Variants in BICRAL observed in about 807,000 individuals in gnomAD.
The protein encoded by BICRAL is BRD4-interacting chromatin-remodeling complex-associated protein-like.
BICRAL carries 8 observed loss-of-function variants against 91.8 expected under a neutral mutation model. The observed-to-expected ratio is 0.09, with a 90% CI of 0.05 to 0.16. The LOEUF (loss-of-function observed/expected upper bound fraction) is 0.16, where lower values mean the gene tolerates loss of function less well. BICRAL is among the 10% of genes least tolerant of loss of function. The pLI, the probability that BICRAL is intolerant of heterozygous loss-of-function variation, is 1.00. For synonymous variants in BICRAL, 445 were observed against 491.1 expected (o/e 0.91, Z 1.24); for missense variants, 1,038 against 1,310.9 (o/e 0.79, Z 3.21).
chr6:42,817,061 C>A (rs186639809), intron 2 of BICRAL, among the ~76,000 whole-genome samples: 2 of 151,862 alleles, frequency 1.3e-5, no homozygotes, highest in East Asian at 3.9e-4. Context: ...CCCCAGTCAC[C>A]CTGTTTTCTT....
At chr6:42,828,383 A>G (rs1290938755) in intron 5 of BICRAL, 110 bp from the exon 6 acceptor site, 1 of 913,738 alleles carries the variant, frequency 1.1e-6, no homozygotes, top group East Asian at 2.7e-5. Context: ...CCTGGGTGAC[A>G]GAGCGAGACT....
chr6:42,848,490 A>G (rs759200868), intron 6 of BICRAL, among the ~76,000 whole-genome samples: 23 of 152,228 alleles, frequency 1.5e-4, no homozygotes, highest in African/African-American at 5.1e-4. Context: ...TTTTCTTTCA[A>G]TCTTTTATAT....
intron 1 of BICRAL, among the ~76,000 whole-genome samples, chr6:42,772,374 C>T (rs1037961732): frequency 2.0e-5 from 3 of 152,084 alleles, no homozygotes; most frequent in Non-Finnish European, 4.4e-5. Flanking sequence ...GGCATTGGAG[C>T]TGGGCCTTGA....
Position 42,808,934 on chromosome 6 carries a change from C to A in BICRAL, c.-101-1372C>A, listed in dbSNP as rs543353564. On this transcript the variant is annotated intron_variant, in intron 1 of 12. Coordinates refer to ENST00000314073, the MANE Select transcript of BICRAL (RefSeq NM_001393499.1). ...AGTGTCCTTGCCCTGTGTCTCCAGC[C>A]TCTGTAAAGCCTTGCCAGAAATTCT... 9.9e-5 allele frequency among the ~76,000 whole-genome samples: 15 copies of A among 152,272 alleles called. No homozygotes were observed. The South Asian group carries it at 2.9e-3, about 29-fold the overall frequency.
chr6:42,858,823 T>A (rs1186359248), intron 10 of BICRAL, among the ~76,000 whole-genome samples: 5 of 151,710 alleles, frequency 3.3e-5, no homozygotes, highest in African/African-American at 9.7e-5. Context: ...ATCTAAAAAA[T>A]AAATAAATAA....
At chr6:42,780,918 G>C (rs1056064646), upstream of BICRAL, among the ~76,000 whole-genome samples, 1 of 152,004 alleles carries the variant, frequency 6.6e-6, no homozygotes. Context: ...TGTATTTTTA[G>C]TAGAGACAGG....
intron 1 of BICRAL, among the ~76,000 whole-genome samples, chr6:42,747,517 C>G (rs1762298045): frequency 6.6e-6 from 1 of 152,222 alleles, no homozygotes; most frequent in Admixed American, 6.5e-5. Context: ...TCACGCCCCA[C>G]TCTCTTCCTT....
intron 1 of BICRAL, among the ~76,000 whole-genome samples, chr6:42,788,278 G>T (rs375366559): frequency 2.8e-5 from 4 of 141,968 alleles, no homozygotes; most frequent in African/African-American, 1.1e-4. Context: ...AGGCTGGAGT[G>T]CAGTGGCGCA....
At position 42,829,219 on chromosome 6, in the gene BICRAL, A is replaced by G; in HGVS notation, c.886A>G (p.Ile296Val). The change falls in exon 6 of 13, where the codon ATC becomes GTC. Residue 296 changes from isoleucine (I) to valine (V), a missense_variant. Ile to Val is a conservative substitution (Grantham distance 29, BLOSUM62 3). Transcript: ENST00000314073. ...TCAAACATCTTTACCTGTGCATAACATCATCATACAAAGGGGTCTTGCACC... is the reference window on the plus strand; with the variant it reads ...TCAAACATCTTTACCTGTGCATAACGTCATCATACAAAGGGGTCTTGCACC... ...NFQTSLPVHN[I>V]IIQRGLAPNS... 2 of 1,614,144 alleles carry G rather than the reference A, an allele frequency of 1.2e-6. No homozygotes were observed. Among genetic ancestry groups the G allele is most frequent in the South Asian group, 1.1e-5 (1 of 91,058 alleles).
At chr6:42,846,553 A>G (rs3846894) in intron 6 of BICRAL, among the ~76,000 whole-genome samples, 1 of 151,796 alleles carries the variant, frequency 6.6e-6, no homozygotes, top group African/African-American at 2.4e-5. Flanking sequence ...CCCTTACCCC[A>G]GCTTCAAATT....
Position 42,864,892 on chromosome 6 carries a change from A to C in BICRAL, c.2686A>C (p.Lys896Gln). 1 of 1,614,196 alleles carries C rather than the reference A, an allele frequency of 6.2e-7. No homozygotes were observed. Among genetic ancestry groups the C allele is most frequent in the South Asian group, 1.1e-5 (1 of 91,086 alleles). ...CTCTGCAGAAGGAAACATTTCTAAAAAAACAGAATGCCTTGGCAGAGCACT... is the reference window on the plus strand; with the variant it reads ...CTCTGCAGAAGGAAACATTTCTAAACAAACAGAATGCCTTGGCAGAGCACT... ...VVSAEGNISK[K>Q]TECLGRALKF... The change falls in exon 13 of 13, where the codon AAA (lysine) becomes CAA (glutamine). Residue 896 changes from lysine to glutamine, a missense_variant. Transcript: ENST00000314073.
intron 1 of BICRAL, among the ~76,000 whole-genome samples, chr6:42,782,562 CT>C (rs1223132161): frequency 1.4e-5 from 2 of 139,390 alleles, no homozygotes; most frequent in Non-Finnish European, 3.1e-5. Flanking sequence ...TTTCTTTTTC[CT>C]TTTTTTTCTT....
In BICRAL at chr6:42,860,372, C is replaced by T; in HGVS notation, c.2349+16C>T. Reference sequence around the variant, plus strand: ...AGATGCCATGGTAAAAGTCATGCTACTGATATTTGTTCTTTAAAACTTTAC... The same window carrying T: ...AGATGCCATGGTAAAAGTCATGCTATTGATATTTGTTCTTTAAAACTTTAC... On this transcript the variant is annotated intron_variant, in intron 11 of 12. Coordinates refer to ENST00000314073, the MANE Select transcript of BICRAL (RefSeq NM_001393499.1). 6.7e-7 allele frequency: 1 copy of T among 1,482,514 alleles called. No homozygotes were observed. Among genetic ancestry groups the T allele is most frequent in the Non-Finnish European group, 9.4e-7 (1 of 1,062,300 alleles). 91.8% of individuals were successfully genotyped at this position (1,482,514 alleles called of 1,614,324 possible). A position where few individuals can be genotyped will look rare whatever the true frequency, so the allele number is the denominator to read the frequency against.
upstream of BICRAL, among the ~76,000 whole-genome samples, chr6:42,778,483 A>T (rs1762833456): frequency 6.6e-6 from 1 of 152,250 alleles, no homozygotes; most frequent in Non-Finnish European, 1.5e-5. Context: ...ATAAGTATCT[A>T]GCATAGTGCC....
rs754798789 is a variant in BICRAL, at chr6:42,828,619, G to A, written c.286G>A (p.Asp96Asn). The change falls in exon 6 of 13, where the codon GAT (aspartate) becomes AAT (asparagine). Residue 96 changes from aspartate (D) to asparagine (N), a missense_variant. Physicochemically the swap from Asp to Asn is conservative, Grantham distance 23 (BLOSUM62 1). This residue lies in a region of BICRAL where 115 missense variants were observed against 121.5 expected (regional missense o/e 0.95). Transcript: ENST00000314073. ...TGAACTCGAGTCTTCTCCTCTTCCT[G>A]ATCTCACTGAGGACCAACCTTTCGA... is the stretch of plus-strand genomic sequence containing the variant. The part of the protein sequence containing the change: ...EDELESSPLP[D>N]LTEDQPFDIL... 2 of 1,613,926 alleles carry A rather than the reference G, an allele frequency of 1.2e-6. No homozygotes were observed. Among genetic ancestry groups the A allele is most frequent in the Non-Finnish European group, 1.7e-6 (2 of 1,180,020 alleles).
chr6:42,806,030 G>A (rs2113907373), intron 1 of BICRAL, among the ~76,000 whole-genome samples: 1 of 151,902 alleles, frequency 6.6e-6, no homozygotes, highest in South Asian at 2.1e-4. Context: ...AAGAAGTAGA[G>A]CAATTATTTG....
At chr6:42,764,243 G>GA (rs528842794) in intron 1 of BICRAL, among the ~76,000 whole-genome samples, 7,917 of 125,334 alleles carry the variant, frequency 0.063, 299 homozygotes, top group African/African-American at 0.12. Flanking sequence ...CTTTGTTTCC[G>GA]AAAAAAAAAA....
chr6:42,814,517 ATATTT>A (rs1562474978), intron 2 of BICRAL, among the ~76,000 whole-genome samples: 5 of 90,674 alleles, frequency 5.5e-5, no homozygotes, highest in Admixed American at 3.5e-4. Context: ...ATATATATAT[ATATTT>A]TTTTTTTTTT....
At chr6:42,861,085 C>T (rs1438243714) in intron 11 of BICRAL, among the ~76,000 whole-genome samples, 1 of 152,112 alleles carries the variant, frequency 6.6e-6, no homozygotes, top group Non-Finnish European at 1.5e-5. Flanking sequence ...AAGATCATGC[C>T]ATTGCACTCC....
Sources: gnomAD v4.1 joint callset for allele counts (sites outside exome capture counted in the v4.1 genomes callset) on GRCh38, gnomAD v4.1.1 for gene constraint, gnomAD v4.1.1 regional missense constraint, MANE v1.5 for transcripts, NCBI Gene and HGNC (gene_info 2026-07-23, HGNC 2026-07-21) for gene names.